Variants in CXCL17 observed in about 807,000 individuals in gnomAD.
The protein encoded by CXCL17 is C-X-C motif chemokine ligand 17.
A neutral mutation model predicts 15.5 loss-of-function variants in CXCL17; 9 were observed. That is an observed-to-expected ratio of 0.58 (90% CI 0.35 to 1.01). The LOEUF (loss-of-function observed/expected upper bound fraction) is 1.01, where lower values mean the gene tolerates loss of function less well. Among genes scored for constraint, CXCL17 ranks in the 50% least tolerant of loss-of-function variants. The pLI, the probability that CXCL17 is intolerant of heterozygous loss-of-function variation, is 0.02. For synonymous variants in CXCL17, 52 were observed against 52.3 expected (o/e 0.99, Z 0.02); for missense variants, 133 against 138.2 (o/e 0.96, Z 0.19).
At chr19:42,437,905 A>T (rs961003775) in intron 1 of CXCL17, among the ~76,000 whole-genome samples, 1 of 152,128 alleles carries the variant, frequency 6.6e-6, no homozygotes, top group Non-Finnish European at 1.5e-5. Context: ...TTCCTCCCTT[A>T]TCCACAGGGG....
chr19:42,439,253 C>CAAAAAAA (rs58768697), intron 1 of CXCL17, among the ~76,000 whole-genome samples: 9 of 77,480 alleles, frequency 1.2e-4, no homozygotes, highest in African/African-American at 2.2e-4. Context: ...GACTCTATCT[C>CAAAAAAA]AAAAAAAAAA....
intron 2 of CXCL17, among the ~76,000 whole-genome samples, chr19:42,433,467 C>T (rs1051767892): frequency 1.3e-5 from 2 of 152,030 alleles, no homozygotes; most frequent in African/African-American, 4.8e-5. Flanking sequence ...GAATAGGATT[C>T]AGGAAGCTTT....
chr19:42,441,560 C>G, intron 1 of CXCL17, among the ~76,000 whole-genome samples: 1 of 152,130 alleles, frequency 6.6e-6, no homozygotes, highest in East Asian at 1.9e-4. Flanking sequence ...CCTTTCAGAA[C>G]AGTGGTCTAG....
At chr19:42,431,503 T>C (rs1434688329) in intron 3 of CXCL17, among the ~76,000 whole-genome samples, 1 of 152,188 alleles carries the variant, frequency 6.6e-6, no homozygotes, top group Non-Finnish European at 1.5e-5. Context: ...TACCTCAAGG[T>C]TGTGAATATA....
intron 3 of CXCL17, among the ~76,000 whole-genome samples, chr19:42,431,316 T>C (rs2040778410): frequency 6.6e-6 from 1 of 152,256 alleles, no homozygotes. Flanking sequence ...CTTATATATG[T>C]ATTCTGAATA....
intron 1 of CXCL17, among the ~76,000 whole-genome samples, chr19:42,436,021 C>T (rs1410694065): frequency 6.6e-6 from 1 of 152,080 alleles, no homozygotes; most frequent in Non-Finnish European, 1.5e-5. Context: ...TTGTTTATGC[C>T]ACCCAGTCTG....
chr19:42,442,589 G>T (rs2040905262), intron 1 of CXCL17, among the ~76,000 whole-genome samples, 165 bp downstream of exon 1: 1 of 152,154 alleles, frequency 6.6e-6, no homozygotes, highest in Non-Finnish European at 1.5e-5. Context: ...CATTGTTTGG[G>T]TGTAAGTACA....
intron 1 of CXCL17, among the ~76,000 whole-genome samples, chr19:42,439,788 G>A (rs546389910): frequency 6.6e-6 from 1 of 152,304 alleles, no homozygotes; most frequent in Admixed American, 6.5e-5. Context: ...AAAGTGTCAA[G>A]GTCCTGAAAG....
chr19:42,442,682 T>G, intron 1 of CXCL17, 72 bp downstream of exon 1: 6 of 1,075,700 alleles, frequency 5.6e-6, no homozygotes, highest in African/African-American at 1.6e-5. Flanking sequence ...AGAAGCTGCA[T>G]TTTGATGTGT....
rs76827583 is a variant in CXCL17 at position 42,442,170 on chromosome 19, C to T, written c.79+584G>A. ...TGTTGAGCTAGTATATACATACATA[C>T]GTACGTGTGTGTGAGGGGGATCAGC... On this transcript the variant is annotated intron_variant, in intron 1 of 3. Coordinates refer to ENST00000601181, the MANE Select transcript of CXCL17 (RefSeq NM_198477.3). 1.2e-3 allele frequency among the ~76,000 whole-genome samples: 176 copies of T among 151,280 alleles called. 2 individuals are homozygous for T. Among genetic ancestry groups the T allele is most frequent in the Non-Finnish European group, 2.0e-3 (138 of 67,920 alleles).
chr19:42,438,107 C>G (rs2040850294), intron 1 of CXCL17, among the ~76,000 whole-genome samples: 1 of 151,480 alleles, frequency 6.6e-6, no homozygotes, highest in African/African-American at 2.4e-5. Flanking sequence ...ACCTGTAATC[C>G]CAGCACTTTG....
intron 3 of CXCL17, 142 bp from the exon 4 acceptor site, chr19:42,429,123 G>T: frequency 1.7e-6 from 1 of 600,092 alleles, no homozygotes; most frequent in South Asian, 1.9e-5. Context: ...TGCCTCCCGG[G>T]TTCAAGTGAT....
chr19:42,429,997 A>C (rs184700947), intron 3 of CXCL17, among the ~76,000 whole-genome samples: 1 of 151,066 alleles, frequency 6.6e-6, no homozygotes, highest in Admixed American at 6.6e-5. Context: ...GCGAAATCCT[A>C]TCTCTACAAA....
chr19:42,438,570 T>C (rs762918681), intron 1 of CXCL17, among the ~76,000 whole-genome samples: 21 of 150,786 alleles, frequency 1.4e-4, no homozygotes, highest in Non-Finnish European at 2.9e-4. Context: ...TGTACATGAG[T>C]GTGCGTGTGT....
At chr19:42,438,381 A>AAT (rs1201763586) in intron 1 of CXCL17, among the ~76,000 whole-genome samples, 2,396 of 63,624 alleles carry the variant, frequency 0.038, 77 homozygotes, top group Non-Finnish European at 0.046. Context: ...AAAAAAAAAA[A>AAT]ATATATATAT....
intron 1 of CXCL17, 82 bp from the exon 2 acceptor site, chr19:42,433,938 C>T: frequency 1.0e-6 from 1 of 974,588 alleles, no homozygotes; most frequent in African/African-American, 1.6e-5. Context: ...CCTAGGTCAG[C>T]ACAGTTCCAT....
intron 1 of CXCL17, among the ~76,000 whole-genome samples, chr19:42,435,029 A>C (rs550016091): frequency 2.0e-5 from 3 of 152,004 alleles, no homozygotes; most frequent in African/African-American, 7.2e-5. Flanking sequence ...AATACAAAAA[A>C]TTAGGCGGGC....
rs1452221244 is a variant in CXCL17, at chr19:42,428,840, C to G, written c.*44G>C. 6.8e-7 allele frequency: 1 copy of G among 1,473,136 alleles called. No homozygotes were observed. Among genetic ancestry groups the G allele is most frequent in the Non-Finnish European group, 9.5e-7 (1 of 1,051,834 alleles). 91.3% of individuals were successfully genotyped at this position (1,473,136 alleles called of 1,614,324 possible). A position where few individuals can be genotyped will look rare whatever the true frequency, so the allele number is the denominator to read the frequency against. ...GTCTGGTAGGTGTGCTCACTGTCTT[C>G]TTGGCTGAGAATGTTTAATTGGAAG... On this transcript the variant is annotated 3_prime_UTR_variant, in exon 4 of 4. Coordinates refer to ENST00000601181, the MANE Select transcript of CXCL17 (RefSeq NM_198477.3).
chr19:42,429,258 G>A (rs905385402), intron 3 of CXCL17, among the ~76,000 whole-genome samples: 3 of 149,566 alleles, frequency 2.0e-5, no homozygotes, highest in East Asian at 2.0e-4. Context: ...AACTCCTGAC[G>A]TCATGTGATC....
Sources: allele counts gnomAD v4.1 joint callset (sites outside exome capture counted in the v4.1 genomes callset), GRCh38; gene constraint gnomAD v4.1.1; transcripts MANE v1.5; gene names NCBI Gene and HGNC (gene_info 2026-07-23, HGNC 2026-07-21).